Variants in UNC5D observed in about 807,000 individuals in gnomAD.
The protein encoded by UNC5D is unc-5 netrin receptor D.
In UNC5D, 39 loss-of-function variants were observed where a neutral mutation model predicts 105.4. That is an observed-to-expected ratio of 0.37 (90% CI 0.29 to 0.48). The LOEUF (loss-of-function observed/expected upper bound fraction) is 0.48. UNC5D is among the 20% of genes least tolerant of loss of function. The pLI is 0.98. For synonymous variants in UNC5D, 452 were observed against 450.4 expected (o/e 1.00, Z -0.04); for missense variants, 991 against 1,202.4 (o/e 0.82, Z 2.60).
chr8:35,252,668 A>G lies in UNC5D; in HGVS notation c.103+16781A>G, dbSNP rs188227488. Among the ~76,000 whole-genome samples, 728 of 152,238 alleles carry G rather than the reference A, an allele frequency of 4.8e-3. 1 individual carries two copies. The highest frequency in any genetic ancestry group is 6.8e-3 in the Non-Finnish European group (462 of 68,026). On this transcript the variant is annotated intron_variant, in intron 1 of 16. Transcript: ENST00000404895. ...TTAGTTATTCATTTTGTTGTCAGTA[A>G]AATTTGGGTGATTATCAGATTTTTT...
At chr8:35,402,300 C>G (rs1185667967) in intron 1 of UNC5D, among the ~76,000 whole-genome samples, 2 of 152,014 alleles carry the variant, frequency 1.3e-5, no homozygotes, top group Non-Finnish European at 2.9e-5. Flanking sequence ...GGGGAGGCCT[C>G]ACAGTCATGA....
At position 35,563,089 on chromosome 8, in the gene UNC5D, A is replaced by T. The variant is rs141240439; in HGVS notation, c.323-5009A>T. On this transcript the variant is annotated intron_variant, in intron 2 of 16. Transcript: ENST00000404895. ...CGTCAGAGTTCTTGGTGCCATTCAGAGTTTTTTATGGGTCCGTACAAATTT... is the reference window on the plus strand; with the variant it reads ...CGTCAGAGTTCTTGGTGCCATTCAGTGTTTTTTATGGGTCCGTACAAATTT... Among the ~76,000 whole-genome samples, 676 of 151,978 alleles carry T rather than the reference A, an allele frequency of 4.4e-3. 5 individuals carry two copies. Among genetic ancestry groups the T allele is most frequent in the Middle Eastern group, 0.024 (7 of 294 alleles).
At chr8:35,513,919 T>G (rs960216485) in intron 1 of UNC5D, among the ~76,000 whole-genome samples, 15 of 152,248 alleles carry the variant, frequency 9.9e-5, no homozygotes, top group Non-Finnish European at 1.9e-4. Flanking sequence ...TTGTTTAACA[T>G]TTTTAAGCTA....
At chr8:35,691,476 G>A (rs1586447985) in intron 7 of UNC5D, among the ~76,000 whole-genome samples, 3 of 152,138 alleles carry the variant, frequency 2.0e-5, no homozygotes, top group African/African-American at 7.2e-5. Flanking sequence ...GACAAAGGGA[G>A]ACCCTGTCAC....
chr8:35,442,281 C>G (rs1458767539), intron 1 of UNC5D, among the ~76,000 whole-genome samples: 1 of 151,770 alleles, frequency 6.6e-6, no homozygotes, highest in Non-Finnish European at 1.5e-5. Context: ...AATCCTACTA[C>G]ACATGAATAT....
chr8:35,652,501 A>C (rs571155290), intron 4 of UNC5D, among the ~76,000 whole-genome samples: 2 of 152,290 alleles, frequency 1.3e-5, no homozygotes, highest in African/African-American at 2.4e-5. Context: ...ATTATATGAT[A>C]ATTTATATTA....
At chr8:35,296,722 T>C (rs967396998) in intron 1 of UNC5D, among the ~76,000 whole-genome samples, 1 of 152,100 alleles carries the variant, frequency 6.6e-6, no homozygotes, top group African/African-American at 2.4e-5. Context: ...TGCCTGGCCG[T>C]GGTAAGTACC....
At position 35,793,740 on chromosome 8, in the gene UNC5D, C is replaced by T. The variant is rs951799930; in HGVS notation, c.*3177C>T. On this transcript the variant is annotated 3_prime_UTR_variant, in exon 17 of 17. Coordinates refer to ENST00000404895, the MANE Select transcript of UNC5D (RefSeq NM_080872.4). ...GAAGCTTGCTCTATGGATTTAAATG[C>T]AAACTTCATTTACCAGTGCAGGAAG... 1.3e-5 allele frequency: 2 copies of T among 152,602 alleles called. No individual in the cohort carries two copies. The highest frequency in any genetic ancestry group is 4.8e-5 in the African/African-American group (2 of 41,446). 9.5% of individuals were successfully genotyped at this position (152,602 alleles called of 1,614,324 possible). A position where few individuals can be genotyped will look rare whatever the true frequency, so the allele number is the denominator to read the frequency against.
At chr8:35,257,715 A>T (rs2128818376) in intron 1 of UNC5D, among the ~76,000 whole-genome samples, 1 of 152,274 alleles carries the variant, frequency 6.6e-6, no homozygotes, top group African/African-American at 2.4e-5. Context: ...ACTCCCTAAG[A>T]CTATTGACAC....
At chr8:35,292,911 A>T (rs2128863346) in intron 1 of UNC5D, among the ~76,000 whole-genome samples, 1 of 151,796 alleles carries the variant, frequency 6.6e-6, no homozygotes, top group African/African-American at 2.4e-5. Flanking sequence ...GGTGGTCTTG[A>T]ACTCCTGACC....
chr8:35,634,642 GA>G lies in UNC5D; in HGVS notation c.570+38991del, dbSNP rs139618454. Among the ~76,000 whole-genome samples the G allele has an allele frequency of 7.3e-3, 1,112 of 152,046 alleles. 13 individuals are homozygous for G. Among genetic ancestry groups the G allele is most frequent in the African/African-American group, 0.012 (516 of 41,508 alleles). ...AGGTTACAAATACTGATGCAGGGGGGAAAAAACAGACAATGGGATGGCACAT... is the reference window on the plus strand; with the variant it reads ...AGGTTACAAATACTGATGCAGGGGGGAAAAACAGACAATGGGATGGCACAT... On this transcript the variant is annotated intron_variant, in intron 4 of 16. Transcript: ENST00000404895.
intron 11 of UNC5D, among the ~76,000 whole-genome samples, chr8:35,745,041 C>T (rs185434930): frequency 1.6e-4 from 24 of 149,508 alleles, no homozygotes; most frequent in African/African-American, 5.4e-4. Context: ...GCGACAAGAG[C>T]AAAACTCTGT....
chr8:35,390,287 T>C (rs907209316), intron 1 of UNC5D, among the ~76,000 whole-genome samples: 1 of 152,160 alleles, frequency 6.6e-6, no homozygotes, highest in African/African-American at 2.4e-5. Flanking sequence ...GGGGATTACG[T>C]TTGAATATGA....
At chr8:35,440,925 G>A in intron 1 of UNC5D, among the ~76,000 whole-genome samples, 1 of 152,042 alleles carries the variant, frequency 6.6e-6, no homozygotes, top group African/African-American at 2.4e-5. Flanking sequence ...CATGTTCTGA[G>A]AGGAGGGTAG....
intron 1 of UNC5D, among the ~76,000 whole-genome samples, chr8:35,406,063 T>A (rs993377708): frequency 6.6e-6 from 1 of 152,136 alleles, no homozygotes; most frequent in African/African-American, 2.4e-5. Flanking sequence ...ATGTGTTTAA[T>A]GAGATTCTTT....
At chr8:35,423,388 T>G (rs920643265) in intron 1 of UNC5D, among the ~76,000 whole-genome samples, 3 of 152,164 alleles carry the variant, frequency 2.0e-5, no homozygotes, top group Non-Finnish European at 4.4e-5. Flanking sequence ...GTCCTCCTCC[T>G]TCCTGCCAAG....
intron 1 of UNC5D, among the ~76,000 whole-genome samples, chr8:35,320,825 G>C (rs1216418524): frequency 1.3e-5 from 2 of 152,080 alleles, no homozygotes; most frequent in South Asian, 4.1e-4. Context: ...TTGGCTGAGG[G>C]GAAGGGTCCA....
At chr8:35,611,909 A>G (rs1283471931) in intron 4 of UNC5D, among the ~76,000 whole-genome samples, 1 of 152,236 alleles carries the variant, frequency 6.6e-6, no homozygotes, top group Non-Finnish European at 1.5e-5. Flanking sequence ...TTTTCCACAG[A>G]TTAAAATTGT....
chr8:35,567,015 T>C (rs1007088031), intron 2 of UNC5D, among the ~76,000 whole-genome samples: 3 of 151,660 alleles, frequency 2.0e-5, no homozygotes, highest in Non-Finnish European at 4.4e-5. Context: ...AAGAAGCTCA[T>C]GCTCTCCAGT....
Sources: allele counts gnomAD v4.1 joint callset (sites outside exome capture counted in the v4.1 genomes callset), GRCh38; gene constraint gnomAD v4.1.1; transcripts MANE v1.5; gene names NCBI Gene and HGNC (gene_info 2026-07-23, HGNC 2026-07-21).